CDK8: variants seen among roughly 807,000 people sequenced by gnomAD.
CDK8 encodes the protein cyclin-dependent kinase 8.
CDK8 carries 29 observed loss-of-function variants against 71.5 expected under a neutral mutation model. The ratio of observed to expected loss-of-function variants is 0.41; its 90% CI spans 0.30 to 0.55. CDK8 has a LOEUF of 0.55. Among genes scored for constraint, CDK8 ranks in the 20% least tolerant of loss-of-function variants. The pLI is 0.37. For missense variants in CDK8, 288 were observed against 572.6 expected (o/e 0.50, Z 5.07); for synonymous variants, 161 against 192.1 (o/e 0.84, Z 1.34).
intron 9 of CDK8, among the ~76,000 whole-genome samples, chr13:26,398,115 T>C (rs1309269068): frequency 6.6e-6 from 1 of 152,220 alleles, no homozygotes; most frequent in South Asian, 2.1e-4. Context: ...CTGTATTTTC[T>C]ACTTACTATT....
intron 1 of CDK8, among the ~76,000 whole-genome samples, chr13:26,266,489 C>A (rs1249716744): frequency 6.6e-6 from 1 of 152,040 alleles, no homozygotes; most frequent in Admixed American, 6.6e-5. Context: ...CTGTACAGGG[C>A]AGCTTGGAGA....
intron 1 of CDK8, among the ~76,000 whole-genome samples, chr13:26,277,250 T>C (rs1158982128): frequency 6.6e-6 from 1 of 152,230 alleles, no homozygotes; most frequent in Admixed American, 6.5e-5. Flanking sequence ...TGTAAGAGAC[T>C]TGCCTATATT....
chr13:26,323,661 C>T (rs1458545409), intron 1 of CDK8, among the ~76,000 whole-genome samples: 4 of 152,046 alleles, frequency 2.6e-5, no homozygotes, highest in African/African-American at 9.7e-5. Flanking sequence ...TGCTTGTGTC[C>T]ATGAAAATAT....
chr13:26,348,035 T>C (rs546726430), intron 2 of CDK8, among the ~76,000 whole-genome samples: 149 of 152,026 alleles, frequency 9.8e-4, no homozygotes, highest in Non-Finnish European at 2.0e-3. Flanking sequence ...AAACAATCCA[T>C]GAACATCAAC....
chr13:26,293,850 A>G (rs1873418039), intron 1 of CDK8, among the ~76,000 whole-genome samples: 1 of 152,044 alleles, frequency 6.6e-6, no homozygotes, highest in East Asian at 1.9e-4. Context: ...CATTTGTTCT[A>G]TAATATATAT....
At chr13:26,402,278 C>T (rs907333828) in intron 12 of CDK8, among the ~76,000 whole-genome samples, 1 of 152,136 alleles carries the variant, frequency 6.6e-6, no homozygotes, top group Non-Finnish European at 1.5e-5. Flanking sequence ...TTGATCTGAC[C>T]ACAAAGGCTG....
At chr13:26,379,757 T>G (rs1248520599) in intron 4 of CDK8, among the ~76,000 whole-genome samples, 5 of 152,194 alleles carry the variant, frequency 3.3e-5, no homozygotes, top group African/African-American at 1.2e-4. Context: ...GAAAAATCAG[T>G]CACAGCAATC....
rs1392540322 is a variant in CDK8, at chr13:26,404,834, A to G, written c.*753A>G. 1.9e-5 allele frequency: 4 copies of G among 215,886 alleles called. No homozygotes were observed. Among genetic ancestry groups the G allele is most frequent in the Non-Finnish European group, 3.7e-5 (4 of 107,324 alleles). 13.4% of individuals were successfully genotyped at this position (215,886 alleles called of 1,614,324 possible). ...TGTTTGGTTCAGCAAACAAACTAAA[A>G]TGATTGTCATAGACAGTGTTTTATT... On this transcript the variant is annotated 3_prime_UTR_variant, in exon 13 of 13. Coordinates refer to ENST00000381527, the MANE Select transcript of CDK8 (RefSeq NM_001260.3).
At chr13:26,289,199 C>G (rs1352199109) in intron 1 of CDK8, among the ~76,000 whole-genome samples, 2 of 151,752 alleles carry the variant, frequency 1.3e-5, no homozygotes, top group African/African-American at 4.8e-5. Flanking sequence ...GGACTACAGG[C>G]GCATGCCACC....
At chr13:26,282,659 G>A (rs1347490433) in intron 1 of CDK8, among the ~76,000 whole-genome samples, 1 of 152,058 alleles carries the variant, frequency 6.6e-6, no homozygotes, top group Non-Finnish European at 1.5e-5. Flanking sequence ...CACAATGGAA[G>A]CAAAAAGGTA....
At position 26,401,727 on chromosome 13, in the gene CDK8, C is replaced by T. The variant is rs1876269770; in HGVS notation, c.1269+103C>T. 8.6e-6 allele frequency: 10 copies of T among 1,163,432 alleles called. No homozygotes were observed. The highest frequency in any genetic ancestry group is 2.0e-4 in the Middle Eastern group (1 of 5,024). The allele number at this position is 1,163,432 out of a possible 1,614,324, so 72.1% of individuals were successfully genotyped here. ...ATTGAGAAATACTGACGTCTGTATA[C>T]CCAGGGAAATACATTAACATGAAAT... On this transcript the variant is annotated intron_variant, in intron 12 of 12. Transcript: ENST00000381527. This position sits in a 1 kb window ranked among gnomAD's most constrained non-coding sequence, Gnocchi z 4.5.
chr13:26,326,441 G>A (rs1360531807), intron 1 of CDK8, among the ~76,000 whole-genome samples: 1 of 152,164 alleles, frequency 6.6e-6, no homozygotes. Context: ...CCAAAGGAAA[G>A]ACAATAGCTT....
intron 1 of CDK8, among the ~76,000 whole-genome samples, chr13:26,292,731 G>A (rs959619155): frequency 6.6e-6 from 1 of 152,118 alleles, no homozygotes. Flanking sequence ...GGCTGGATAT[G>A]GAATTCTAGG....
rs2138075665 is a variant in CDK8, at chr13:26,401,584, C to T, written c.1229C>T (p.Thr410Ile). The T allele has an allele frequency of 6.2e-7, 1 of 1,614,180 alleles. No individual in the cohort carries two copies. The highest frequency in any genetic ancestry group is 8.5e-7 in the Non-Finnish European group (1 of 1,180,014). The change falls in exon 12 of 13, where the codon ACC (threonine) becomes ATC (isoleucine). Residue 410 changes from threonine (T) to isoleucine (I), a missense_variant. Transcript: ENST00000381527. The surrounding 1 kb of genome is among the most constrained non-coding windows in gnomAD (Gnocchi z 4.5). ...AAGAAAGTGAGAGTTGTTCCTCCTA[C>T]CACTACCTCAGGTGGACTTATCATG... ...PLKKVRVVPP[T>I]TTSGGLIMTS...
chr13:26,393,339 T>TC, intron 6 of CDK8, 28 bp from the exon 7 acceptor site: 2 of 1,386,278 alleles, frequency 1.4e-6, no homozygotes, highest in Non-Finnish European at 2.0e-6. Flanking sequence ...TATTTTTCTT[T>TC]CTTTTTTTTT....
intron 6 of CDK8, among the ~76,000 whole-genome samples, chr13:26,389,696 A>G (rs1286137597): frequency 6.6e-6 from 1 of 151,902 alleles, no homozygotes; most frequent in Admixed American, 6.6e-5. Context: ...ACCACTTTCA[A>G]TTTAAGTTTC....
chr13:26,312,188 G>C (rs1047343716), intron 1 of CDK8, among the ~76,000 whole-genome samples: 2 of 152,180 alleles, frequency 1.3e-5, no homozygotes, highest in Non-Finnish European at 2.9e-5. Context: ...TCTGTGTCTA[G>C]CTAAAGGATT....
chr13:26,378,810 A>G (rs1214316661), intron 4 of CDK8, among the ~76,000 whole-genome samples: 1 of 152,234 alleles, frequency 6.6e-6, no homozygotes, highest in Non-Finnish European at 1.5e-5. Context: ...GAGCTTAAAA[A>G]CTGCTACCAA....
intron 4 of CDK8, among the ~76,000 whole-genome samples, chr13:26,374,371 G>C (rs1215170838): frequency 3.3e-5 from 5 of 152,014 alleles, no homozygotes; most frequent in East Asian, 3.9e-4. Context: ...CTATTGTCTA[G>C]CCCATGTGGA....
Sources: allele counts gnomAD v4.1 joint callset (sites outside exome capture counted in the v4.1 genomes callset), GRCh38; gene constraint gnomAD v4.1.1; non-coding constraint Gnocchi (gnomAD v3.1); transcripts MANE v1.5; gene names NCBI Gene and HGNC (gene_info 2026-07-23, HGNC 2026-07-21).